Variants in ANXA5 observed in about 807,000 individuals in gnomAD.
The protein encoded by ANXA5 is annexin A5.
ANXA5 carries 40 observed loss-of-function variants against 48.1 expected under a neutral mutation model. The observed-to-expected ratio is 0.83, with a 90% CI of 0.65 to 1.08. The LOEUF is 1.08. Among genes scored for constraint, ANXA5 ranks in the 50% least tolerant of loss-of-function variants. The probability of loss-of-function intolerance (pLI) is 0.00; values close to 1 mark genes in which losing one functional copy is unlikely to be tolerated. For synonymous variants in ANXA5, 113 were observed against 129.1 expected, an observed-to-expected ratio of 0.88 and a Z score of 0.85; for missense variants, 357 against 376.8, an observed-to-expected ratio of 0.95 and a Z score of 0.44.
At chr4:121,673,837 G>C (rs973885068) in intron 8 of ANXA5, among the ~76,000 whole-genome samples, 2 of 151,878 alleles carry the variant, frequency 1.3e-5, no homozygotes, top group Admixed American at 6.6e-5. Flanking sequence ...CAAAAACAAC[G>C]CAAGTTCATT....
intron 9 of ANXA5, 121 bp downstream of exon 9, chr4:121,672,412 G>C: frequency 1.5e-6 from 1 of 667,070 alleles, no homozygotes; most frequent in East Asian, 2.7e-5. Context: ...CCAAAAGGAA[G>C]AAATACAAAA....
At chr4:121,670,660 C>G (rs970419693) in intron 10 of ANXA5, among the ~76,000 whole-genome samples, 2 of 152,100 alleles carry the variant, frequency 1.3e-5, no homozygotes, top group African/African-American at 4.8e-5. Context: ...CAAAAATAAT[C>G]CTTGCATGTG....
chr4:121,687,617 T>C (rs1230061120), intron 2 of ANXA5, among the ~76,000 whole-genome samples: 1 of 152,184 alleles, frequency 6.6e-6, no homozygotes, highest in African/African-American at 2.4e-5. Context: ...ATGCCAACAA[T>C]AACATAATAC....
chr4:121,684,055 C>A (rs1724835982), intron 4 of ANXA5, among the ~76,000 whole-genome samples: 1 of 151,638 alleles, frequency 6.6e-6, no homozygotes, highest in South Asian at 2.1e-4. Flanking sequence ...TTTCAGCATA[C>A]CACACAACTA....
intron 5 of ANXA5, among the ~76,000 whole-genome samples, chr4:121,682,184 C>G (rs560200489): frequency 1.3e-5 from 2 of 152,146 alleles, no homozygotes; most frequent in East Asian, 3.9e-4. Context: ...TAATAAGCAC[C>G]TCAAAAGATA....
intron 2 of ANXA5, among the ~76,000 whole-genome samples, chr4:121,692,268 G>A (rs138038819): frequency 4.6e-5 from 7 of 152,342 alleles, no homozygotes; most frequent in African/African-American, 7.2e-5. Context: ...ACAAAGTGAA[G>A]ATTTGTAAAA....
rs530423624 is a variant in ANXA5, at chr4:121,694,428, A to C, written c.9+2153T>G. ...TTGAGACGTAGTCTCACTGTTGCCC[A>C]GGCTGGAGTGCAGCAGCGCGATCTC... On this transcript the variant is annotated intron_variant, in intron 2 of 12. Coordinates refer to ENST00000296511, the MANE Select transcript of ANXA5 (RefSeq NM_001154.4). 1.7e-3 allele frequency among the ~76,000 whole-genome samples: 262 copies of C among 152,144 alleles called. 1 individual carries two copies. The highest frequency in any genetic ancestry group is 2.9e-3 in the Non-Finnish European group (197 of 68,020).
intron 2 of ANXA5, among the ~76,000 whole-genome samples, chr4:121,695,691 C>A (rs1051420449): frequency 3.3e-5 from 5 of 151,922 alleles, no homozygotes; most frequent in African/African-American, 1.2e-4. Context: ...TCACTTGAGG[C>A]AAGGAGTTTG....
At chr4:121,695,828 A>C (rs1725069883) in intron 2 of ANXA5, among the ~76,000 whole-genome samples, 1 of 150,962 alleles carries the variant, frequency 6.6e-6, no homozygotes, top group South Asian at 2.1e-4. Flanking sequence ...TGAACCCGGG[A>C]GGCAGAGGTT....
intron 8 of ANXA5, 52 bp from the exon 9 acceptor site, chr4:121,672,678 G>T: frequency 7.3e-7 from 1 of 1,372,032 alleles, no homozygotes; most frequent in Non-Finnish European, 1.0e-6. Context: ...CTCATTTCCA[G>T]GTTCTTAAAC....
At chr4:121,669,792 C>T (rs1172320812) in intron 11 of ANXA5, 68 bp from the exon 12 acceptor site, 6 of 1,549,576 alleles carry the variant, frequency 3.9e-6, no homozygotes, top group Admixed American at 2.0e-5. Flanking sequence ...CAAATGCTCC[C>T]GGGTGCGGGT....
intron 2 of ANXA5, among the ~76,000 whole-genome samples, chr4:121,694,585 A>G (rs1725046918): frequency 6.6e-6 from 1 of 152,068 alleles, no homozygotes; most frequent in African/African-American, 2.4e-5. Flanking sequence ...AGGTCTCACC[A>G]TGTTGGTTAG....
At chr4:121,668,734 T>C (rs7686966) in intron 12 of ANXA5, among the ~76,000 whole-genome samples, 150,190 of 152,180 alleles carry the variant, frequency 0.99, 74,145 homozygotes, top group East Asian at 1. Context: ...ACACAAAGAA[T>C]CAGGCAACTT....
rs185204121 is a variant in ANXA5, at chr4:121,684,443, T to C, written c.189+234A>G. Among the ~76,000 whole-genome samples, 101 of 152,248 alleles carry C rather than the reference T, an allele frequency of 6.6e-4. 2 individuals are homozygous for C. The highest frequency in any genetic ancestry group is 9.7e-4 in the East Asian group (5 of 5,180). ...AAGAGAGACAGTTCTCACTACAGGA[T>C]CTTTTGGCACCTCTACAGCATTAGG... On this transcript the variant is annotated intron_variant, in intron 4 of 12. Coordinates refer to ENST00000296511, the MANE Select transcript of ANXA5 (RefSeq NM_001154.4).
At chr4:121,680,010 C>T (rs763703539) in intron 6 of ANXA5, among the ~76,000 whole-genome samples, 81 of 152,282 alleles carry the variant, frequency 5.3e-4, no homozygotes, top group South Asian at 2.1e-3. Flanking sequence ...TAACTAAAAT[C>T]GTGTATGCTT....
rs1430656880 is a variant in ANXA5 at position 121,684,593 on chromosome 4, C to T, written c.189+84G>A. ...GGAATCACAAAATAAATGATGCTTA[C>T]AAAAGAATATCAGTATATTCCAAAC... is the stretch of plus-strand genomic sequence containing the variant. On this transcript the variant is annotated intron_variant, in intron 4 of 12. Transcript: ENST00000296511. The T allele has an allele frequency of 2.1e-5, 24 of 1,143,108 alleles. No individual in the cohort carries two copies. In the South Asian group the frequency reaches 3.4e-4, roughly 16 times the overall value. 70.8% of individuals were successfully genotyped at this position (1,143,108 alleles called of 1,614,324 possible).
rs1724723045 is a variant in ANXA5, at chr4:121,677,843, T to G, written c.531+51A>C. On this transcript the variant is annotated intron_variant, in intron 8 of 12. Transcript: ENST00000296511. Reference sequence around the variant, plus strand: ...TGTGATTTTTCATTACCATGAATTATTTCTTCATTTCTACAGCATAATAAA... The same window carrying G: ...TGTGATTTTTCATTACCATGAATTAGTTCTTCATTTCTACAGCATAATAAA... 2.1e-6 allele frequency: 3 copies of G among 1,448,268 alleles called. No individual in the cohort carries two copies. In the South Asian group the frequency reaches 3.5e-5, roughly 17 times the overall value. 89.7% of individuals were successfully genotyped at this position (1,448,268 alleles called of 1,614,324 possible). A position where few individuals can be genotyped will look rare whatever the true frequency, so the allele number is the denominator to read the frequency against.
chr4:121,672,676 C>A (rs771723289), intron 8 of ANXA5, 50 bp from the exon 9 acceptor site: 2 of 1,394,136 alleles, frequency 1.4e-6, no homozygotes, highest in Non-Finnish European at 2.0e-6. Context: ...ATCTCATTTC[C>A]AGGTTCTTAA....
chr4:121,680,868 G>A (rs1367203197), intron 6 of ANXA5, among the ~76,000 whole-genome samples: 1 of 152,168 alleles, frequency 6.6e-6, no homozygotes, highest in African/African-American at 2.4e-5. Flanking sequence ...TTATACAGTT[G>A]CTCTAAACAA....
Sources: allele counts gnomAD v4.1 joint callset (sites outside exome capture counted in the v4.1 genomes callset), GRCh38; gene constraint gnomAD v4.1.1; transcripts MANE v1.5; gene names NCBI Gene and HGNC (gene_info 2026-07-23, HGNC 2026-07-21).